SNW1: variants seen among roughly 807,000 people sequenced by gnomAD.
The protein encoded by SNW1 is SNW domain containing 1, also known as SNW domain-containing protein 1.
SNW1 carries 9 observed loss-of-function variants against 75.6 expected under a neutral mutation model. The ratio of observed to expected loss-of-function variants is 0.12; its 90% confidence interval spans 0.07 to 0.21. The LOEUF (loss-of-function observed/expected upper bound fraction) is 0.21. Ranked by LOEUF, SNW1 falls within the 10% of genes least tolerant of loss-of-function variation. The pLI is 1.00. For missense variants in SNW1, 409 were observed against 670.9 expected, an observed-to-expected ratio of 0.61 and a Z score of 4.31; for synonymous variants, 200 against 219.1, an observed-to-expected ratio of 0.91 and a Z score of 0.77.
chr14:77,750,658 T>C (rs2080800270), intron 3 of SNW1, among the ~76,000 whole-genome samples: 1 of 75,424 alleles, frequency 1.3e-5, no homozygotes, highest in South Asian at 5.5e-4. Context: ...CTTGAGTATT[T>C]ATTTACAAGA....
At chr14:77,744,818 CCCCCAAGG>C (rs1042753345) in intron 3 of SNW1, among the ~76,000 whole-genome samples, 65 of 152,204 alleles carry the variant, frequency 4.3e-4, no homozygotes, top group African/African-American at 1.5e-3. Flanking sequence ...AGAGTGATTA[CCCCCAAGG>C]AGAAATGCAC....
chr14:77,747,690 C>T (rs914496425), intron 3 of SNW1, among the ~76,000 whole-genome samples: 28 of 151,300 alleles, frequency 1.9e-4, no homozygotes, highest in African/African-American at 6.6e-4. Flanking sequence ...GCAGCCGCCC[C>T]GTCCAGGAGG....
intron 2 of SNW1, among the ~76,000 whole-genome samples, chr14:77,752,313 T>C (rs1315254603): frequency 1.3e-5 from 2 of 152,190 alleles, no homozygotes; most frequent in Non-Finnish European, 2.9e-5. Flanking sequence ...TATACATAAT[T>C]ATTTAGGAGA....
At chr14:77,756,242 T>A (rs1446245593) in intron 1 of SNW1, among the ~76,000 whole-genome samples, 2 of 152,016 alleles carry the variant, frequency 1.3e-5, no homozygotes, top group Non-Finnish European at 2.9e-5. Context: ...TGCCTCAGCC[T>A]CCCGAGTAGC....
intron 3 of SNW1, among the ~76,000 whole-genome samples, chr14:77,748,927 A>AG (rs1327172697): frequency 6.6e-6 from 1 of 152,224 alleles, no homozygotes; most frequent in African/African-American, 2.4e-5. Flanking sequence ...TATAATAGTA[A>AG]GAAAAAATGA....
chr14:77,751,827 CACACACACACACACACACCACA>C (rs1273820741), intron 2 of SNW1, among the ~76,000 whole-genome samples: 1 of 122,586 alleles, frequency 8.2e-6, no homozygotes, highest in Non-Finnish European at 1.8e-5. Context: ...CACACACACA[CACACACACACACACACACCACA>C]CACACACACA....
chr14:77,747,647 T>G (rs1378984267), intron 3 of SNW1, among the ~76,000 whole-genome samples: 1 of 139,316 alleles, frequency 7.2e-6, no homozygotes, highest in African/African-American at 2.8e-5. Flanking sequence ...CCGGCAGCCG[T>G]CCCATCTGGG....
At chr14:77,720,633 TAA>T (rs2080531963) in intron 12 of SNW1, 76 bp downstream of exon 12, 1 of 939,374 alleles carries the variant, frequency 1.1e-6, no homozygotes, top group Non-Finnish European at 1.8e-6. Flanking sequence ...CATCCAAATG[TAA>T]AGTATGTTAA....
At position 77,754,992 on chromosome 14, in the gene SNW1, T is replaced by C; in HGVS notation, c.143A>G (p.Lys48Arg). The C allele has an allele frequency of 6.2e-7, 1 of 1,606,152 alleles. No homozygotes were observed. Among genetic ancestry groups the C allele is most frequent in the Non-Finnish European group, 8.5e-7 (1 of 1,176,008 alleles). The change falls in exon 2 of 14, where the codon AAA (lysine) becomes AGA (arginine). Residue 48 changes from lysine (K) to arginine (R), a missense_variant. Lys to Arg is a conservative substitution (Grantham distance 26). Coordinates refer to ENST00000261531, the MANE Select transcript of SNW1 (RefSeq NM_012245.3). ...CTCTAATAACCGAGGTATCCAGCCT[T>C]TCCGGTATCCGTACGGGGGAGGTTC... is the stretch of plus-strand genomic sequence containing the variant. ...RREPPPYGYR[K>R]GWIPRLLEDF...
intron 9 of SNW1, among the ~76,000 whole-genome samples, chr14:77,731,549 A>G (rs528394117): frequency 1.3e-5 from 2 of 152,352 alleles, no homozygotes; most frequent in African/African-American, 4.8e-5. Context: ...TCAAAAAAAT[A>G]ACATTTTCAA....
chr14:77,719,540 C>G (rs1222108592), intron 12 of SNW1, among the ~76,000 whole-genome samples: 2 of 152,140 alleles, frequency 1.3e-5, no homozygotes, highest in Non-Finnish European at 2.9e-5. Context: ...ACTCAGGAGG[C>G]TGAGGCAGGA....
chr14:77,752,565 G>A (rs570269568), intron 2 of SNW1, among the ~76,000 whole-genome samples: 5 of 152,128 alleles, frequency 3.3e-5, no homozygotes, highest in Admixed American at 2.0e-4. Context: ...AAAATTAAGC[G>A]GTGTTCCTGA....
At chr14:77,748,312 C>T (rs942152942) in intron 3 of SNW1, among the ~76,000 whole-genome samples, 28 of 152,050 alleles carry the variant, frequency 1.8e-4, no homozygotes, top group Admixed American at 9.2e-4. Flanking sequence ...AACCAGAGAC[C>T]CTTGTTCACT....
At chr14:77,760,916 C>A in intron 1 of SNW1, 198 bp downstream of exon 1, 1 of 1,270,378 alleles carries the variant, frequency 7.9e-7, no homozygotes, top group South Asian at 1.2e-5. Context: ...GTGAACTAAA[C>A]CCGGGAAACC....
intron 2 of SNW1, 105 bp downstream of exon 2, chr14:77,754,862 A>G: frequency 9.9e-7 from 1 of 1,012,740 alleles, no homozygotes; most frequent in South Asian, 1.8e-5. Context: ...TTTCTATCAC[A>G]CTGACATTCA....
In SNW1 at chr14:77,731,132, G is replaced by A. The variant is rs1246837620; in HGVS notation, c.892-3C>T. 11 of 1,612,976 alleles carry A rather than the reference G, an allele frequency of 6.8e-6. No individual in the cohort carries two copies. The African/African-American group carries it at 8.0e-5, about 12-fold the overall frequency. On this transcript the variant is annotated splice_polypyrimidine_tract_variant and splice_region_variant and intron_variant, in intron 9 of 13. Transcript: ENST00000261531. ...CGCATTTCCACAGCTTCACGAGCCT[G>A]TTGGTAAAGTCACATGTTAAACAGG... is the stretch of plus-strand genomic sequence containing the variant.
chr14:77,731,838 G>T (rs1311044219), intron 9 of SNW1, among the ~76,000 whole-genome samples: 1 of 151,964 alleles, frequency 6.6e-6, no homozygotes, highest in South Asian at 2.1e-4. Flanking sequence ...TCCTGGGTTC[G>T]AGAGATTCTC....
chr14:77,734,677 G>A (rs186160382), intron 8 of SNW1, among the ~76,000 whole-genome samples: 2 of 152,206 alleles, frequency 1.3e-5, no homozygotes, highest in Non-Finnish European at 2.9e-5. Context: ...GGTGGAGGCT[G>A]CAGTGAGCTG....
Position 77,718,270 on chromosome 14 carries a change from C to CCTT in SNW1, c.1426_1428dup (p.Lys476dup), listed in dbSNP as rs763063931. ...TGTCTACGGTCTGAACCAGAAAACT[C>CCTT]CTTGTCGGGAACAAATCTAAGGAAA... On this transcript the variant is annotated inframe_insertion, in exon 14 of 14. Transcript: ENST00000261531. The CCTT allele has an allele frequency of 1.2e-6, 2 of 1,613,676 alleles. No individual in the cohort carries two copies. The highest frequency in any genetic ancestry group is 3.3e-5 in the Admixed American group (2 of 59,944).
Sources: allele counts gnomAD v4.1 joint callset (sites outside exome capture counted in the v4.1 genomes callset), GRCh38; gene constraint gnomAD v4.1.1; transcripts MANE v1.5; gene names NCBI Gene and HGNC (gene_info 2026-07-23, HGNC 2026-07-21).